The following ROBO2 variants were observed in gnomAD, a reference collection of about 807,000 sequenced individuals.
ROBO2 encodes roundabout homolog 2.
A neutral mutation model predicts 160.8 loss-of-function variants in ROBO2; 53 were observed. The observed-to-expected ratio is 0.33, with a 90% CI of 0.26 to 0.41. The LOEUF (loss-of-function observed/expected upper bound fraction) is 0.41. ROBO2 is among the 10% of genes least tolerant of loss of function. The probability of loss-of-function intolerance (pLI) is 1.00; values close to 1 mark genes in which losing one functional copy is unlikely to be tolerated. For synonymous variants in ROBO2, 664 were observed against 611.7 expected (o/e 1.09, Z -1.26); for missense variants, 1,577 against 1,722.4 (o/e 0.92, Z 1.49).
chr3:77,645,951 C>CTTATTT, intron 25 of ROBO2, 103 bp from the exon 28 acceptor site: 1 of 752,216 alleles, frequency 1.3e-6, no homozygotes, highest in Non-Finnish European at 2.2e-6. Context: ...ATCTGAAGAC[C>CTTATTT]TTATTTTCAT....
intron 2 of ROBO2, among the ~76,000 whole-genome samples, chr3:75,941,176 G>A (rs572530604): frequency 2.9e-4 from 44 of 152,074 alleles, no homozygotes; most frequent in African/African-American, 1.0e-3. Flanking sequence ...GGCAGGTCAC[G>A]AACTCCTATC....
chr3:77,069,763 A>T (rs912817066), intron 1 of ROBO2, among the ~76,000 whole-genome samples: 2 of 152,138 alleles, frequency 1.3e-5, no homozygotes, highest in Non-Finnish European at 2.9e-5. Flanking sequence ...CACTGTCTTG[A>T]TAGAGTCCTT....
rs1360031577 is a variant in ROBO2 at position 77,364,362 on chromosome 3, T to G, written c.389-113052T>G. 2.0e-5 allele frequency among the ~76,000 whole-genome samples: 3 copies of G among 152,120 alleles called. No homozygotes were observed. In the East Asian group the frequency reaches 5.8e-4, roughly 29 times the overall value. ...AGCCTTGGGGCACCAGGGCAGAGTT[T>G]GATGAGGCTTTGGATGGGCTGGCCA... On this transcript the variant is annotated intron_variant, in intron 2 of 25. Coordinates refer to ENST00000461745, the Ensembl canonical transcript of ROBO2.
intron 2 of ROBO2, among the ~76,000 whole-genome samples, chr3:76,538,284 C>T (rs1005426946): frequency 6.6e-6 from 1 of 152,106 alleles, no homozygotes; most frequent in Non-Finnish European, 1.5e-5. Context: ...AAAGTTTCCT[C>T]TATTTATTTG....
At chr3:77,537,909 A>G (rs1300336194) in intron 6 of ROBO2, among the ~76,000 whole-genome samples, 1 of 152,034 alleles carries the variant, frequency 6.6e-6, no homozygotes, top group African/African-American at 2.4e-5. Flanking sequence ...ATTACCTCCC[A>G]CCGGGTCCCT....
chr3:77,598,221 G>A (rs566730030), intron 19 of ROBO2, among the ~76,000 whole-genome samples: 11 of 151,922 alleles, frequency 7.2e-5, no homozygotes, highest in Non-Finnish European at 4.4e-5. Context: ...AACTGAGAAG[G>A]ATATTCATAG....
chr3:77,371,898 T>C (rs2071808447), intron 2 of ROBO2, among the ~76,000 whole-genome samples: 1 of 152,200 alleles, frequency 6.6e-6, no homozygotes, highest in Non-Finnish European at 1.5e-5. Flanking sequence ...ATTGCTGCAG[T>C]AGTCACTTGT....
At chr3:77,046,634 G>T (rs2064698267) in intron 1 of ROBO2, among the ~76,000 whole-genome samples, 1 of 152,138 alleles carries the variant, frequency 6.6e-6, no homozygotes, top group Admixed American at 6.5e-5. Flanking sequence ...CTAGACTCCA[G>T]GGATGCTTCA....
intron 19 of ROBO2, among the ~76,000 whole-genome samples, chr3:77,597,044 C>CAGA (rs1015785678): frequency 9.9e-5 from 15 of 151,928 alleles, no homozygotes; most frequent in African/African-American, 3.4e-4. Context: ...TTACTGAACT[C>CAGA]AGAGACTATT....
At chr3:77,625,644 G>A (rs1249961800) in intron 23 of ROBO2, among the ~76,000 whole-genome samples, 3 of 152,120 alleles carry the variant, frequency 2.0e-5, no homozygotes, top group Non-Finnish European at 4.4e-5. Context: ...CCAAAGTGCT[G>A]GGATTACAGG....
chr3:76,455,093 A>G (rs1269671309), intron 2 of ROBO2, among the ~76,000 whole-genome samples: 2 of 152,146 alleles, frequency 1.3e-5, no homozygotes, highest in Non-Finnish European at 2.9e-5. Context: ...AACATAAAGT[A>G]TACAGTGTTT....
At position 76,397,167 on chromosome 3, in the gene ROBO2, C is replaced by T. The variant is rs191437645; in HGVS notation, c.109+459565C>T. On this transcript the variant is annotated intron_variant, in intron 2 of 26. Coordinates refer to the ROBO2 transcript ENST00000487694. ...CAGAACAGAGCCCTCAGAAGTAACG[C>T]CCCATATCTACAACTATCTGATCTT... Among the ~76,000 whole-genome samples, 598 of 152,194 alleles carry T rather than the reference C, an allele frequency of 3.9e-3. 6 individuals are homozygous for T. The highest frequency in any genetic ancestry group is 0.014 in the African/African-American group (562 of 41,526).
chr3:76,733,995 G>T (rs1453787318), intron 2 of ROBO2, among the ~76,000 whole-genome samples: 1 of 152,084 alleles, frequency 6.6e-6, no homozygotes, highest in East Asian at 1.9e-4. Context: ...TCACATGTAG[G>T]AGACCACAGA....
intron 2 of ROBO2, among the ~76,000 whole-genome samples, chr3:76,361,536 A>C (rs1292619663): frequency 2.0e-5 from 3 of 152,120 alleles, no homozygotes; most frequent in African/African-American, 7.2e-5. Context: ...GAGAGCAAAA[A>C]CTTTTCAAAT....
intron 24 of ROBO2, among the ~76,000 whole-genome samples, chr3:77,638,818 CTTT>C (rs34034420): frequency 2.7e-4 from 14 of 51,268 alleles, no homozygotes; most frequent in African/African-American, 1.1e-3. Context: ...TTTCACCTAG[CTTT>C]TTTTTTTTTT....
intron 2 of ROBO2, among the ~76,000 whole-genome samples, chr3:76,969,726 A>C (rs2149275797): frequency 6.6e-6 from 1 of 152,118 alleles, no homozygotes; most frequent in African/African-American, 2.4e-5. Context: ...CTTTATTATA[A>C]ATTATTGGTG....
chr3:76,118,610 A>G (rs1031165397), intron 2 of ROBO2, among the ~76,000 whole-genome samples: 33 of 152,178 alleles, frequency 2.2e-4, no homozygotes, highest in African/African-American at 8.0e-4. Context: ...CACTTGGCTC[A>G]GACAGATATG....
chr3:76,393,214 A>ATAC (rs2077244063), intron 2 of ROBO2, among the ~76,000 whole-genome samples: 1 of 152,174 alleles, frequency 6.6e-6, no homozygotes, highest in African/African-American at 2.4e-5. Context: ...GAATCTCTAG[A>ATAC]TATGGAAACC....
chr3:76,358,526 A>G (rs1041252444), intron 2 of ROBO2, among the ~76,000 whole-genome samples: 1 of 152,052 alleles, frequency 6.6e-6, no homozygotes, highest in African/African-American at 2.4e-5. Context: ...ACATATTTCT[A>G]TGCCTAGTTG....
Sources: gnomAD v4.1 joint callset for allele counts (sites outside exome capture counted in the v4.1 genomes callset) on GRCh38, gnomAD v4.1.1 for gene constraint, MANE v1.5 for transcripts, NCBI Gene and HGNC (gene_info 2026-07-23, HGNC 2026-07-21) for gene names.